FARS2: variants seen among roughly 807,000 people sequenced by gnomAD.
FARS2 encodes the protein phenylalanyl-tRNA synthetase 2, mitochondrial.
Under a neutral mutation model 46.4 loss-of-function variants are expected in FARS2, and 40 were observed. The ratio of observed to expected loss-of-function variants is 0.86; its 90% CI spans 0.67 to 1.12. The LOEUF (loss-of-function observed/expected upper bound fraction) is 1.12, where lower values mean the gene tolerates loss of function less well. FARS2 is among the 50% of genes most tolerant of loss of function. FARS2 has a pLI of 0.00. For synonymous variants in FARS2, 234 were observed against 214.9 expected (o/e 1.09, Z -0.78); for missense variants, 513 against 567.9 (o/e 0.90, Z 0.98).
intron 6 of FARS2, among the ~76,000 whole-genome samples, chr6:5,636,260 G>T (rs1041420393): frequency 6.6e-6 from 1 of 152,222 alleles, no homozygotes; most frequent in African/African-American, 2.4e-5. Context: ...CTATGTGATA[G>T]CAGGGTTGAG....
intron 6 of FARS2, among the ~76,000 whole-genome samples, chr6:5,660,042 G>T (rs974223983): frequency 2.0e-5 from 3 of 152,168 alleles, no homozygotes; most frequent in African/African-American, 7.2e-5. Context: ...CTTAGAGGAG[G>T]TGGGCCTAGC....
chr6:5,355,382 T>G (rs1757850260), intron 1 of FARS2, among the ~76,000 whole-genome samples: 1 of 150,002 alleles, frequency 6.7e-6, no homozygotes, highest in African/African-American at 2.4e-5. Context: ...TTGTTTTTTT[T>G]TTTTTTTTGA....
At chr6:5,579,516 C>T (rs1773202989) in intron 5 of FARS2, among the ~76,000 whole-genome samples, 1 of 152,134 alleles carries the variant, frequency 6.6e-6, no homozygotes, top group Non-Finnish European at 1.5e-5. Flanking sequence ...TCAGGTGATC[C>T]ACCTGCCTCA....
At chr6:5,573,966 C>CT (rs892667727) in intron 5 of FARS2, among the ~76,000 whole-genome samples, 5 of 152,060 alleles carry the variant, frequency 3.3e-5, no homozygotes, top group African/African-American at 1.2e-4. Context: ...ATTTGCTCAC[C>CT]AAAATAATGG....
At chr6:5,596,425 G>A (rs1774201277) in intron 5 of FARS2, among the ~76,000 whole-genome samples, 1 of 152,202 alleles carries the variant, frequency 6.6e-6, no homozygotes, top group Non-Finnish European at 1.5e-5. Flanking sequence ...TTTGTCATAT[G>A]TAGGTACCAG....
chr6:5,273,846 G>A (rs1399308299), intron 1 of FARS2, among the ~76,000 whole-genome samples: 1 of 152,056 alleles, frequency 6.6e-6, no homozygotes, highest in Non-Finnish European at 1.5e-5. Context: ...TTTGATTTTT[G>A]TATATGGTGA....
intron 6 of FARS2, among the ~76,000 whole-genome samples, chr6:5,640,480 A>G (rs1206569127): frequency 6.6e-6 from 1 of 152,160 alleles, no homozygotes; most frequent in African/African-American, 2.4e-5. Context: ...CTAGGTCCCT[A>G]TAACAGACTG....
intron 1 of FARS2, among the ~76,000 whole-genome samples, chr6:5,360,922 A>G (rs562955110): frequency 1.3e-5 from 2 of 152,350 alleles, no homozygotes; most frequent in East Asian, 3.9e-4. Context: ...GAGAATGCTT[A>G]TATTACCTGA....
At chr6:5,462,918 G>T (rs540439092) in intron 4 of FARS2, among the ~76,000 whole-genome samples, 1 of 152,328 alleles carries the variant, frequency 6.6e-6, no homozygotes, top group Admixed American at 6.5e-5. Flanking sequence ...ATTGAGTTAG[G>T]ATGGAATTTA....
chr6:5,274,756 G>C (rs1766212263), intron 1 of FARS2, among the ~76,000 whole-genome samples: 1 of 152,028 alleles, frequency 6.6e-6, no homozygotes, highest in South Asian at 2.1e-4. Context: ...TGTCACCCCA[G>C]CTGGAGTGCA....
chr6:5,289,548 T>C (rs1767360560), intron 1 of FARS2, among the ~76,000 whole-genome samples: 1 of 152,190 alleles, frequency 6.6e-6, no homozygotes, highest in African/African-American at 2.4e-5. Flanking sequence ...CCACGACCAG[T>C]CTGATTGGTT....
At chr6:5,558,434 C>T (rs1020987704) in intron 5 of FARS2, among the ~76,000 whole-genome samples, 1 of 152,152 alleles carries the variant, frequency 6.6e-6, no homozygotes, top group Non-Finnish European at 1.5e-5. Context: ...GGAAGCAGTA[C>T]TTCATATAGT....
At chr6:5,346,885 C>T (rs185433237) in intron 1 of FARS2, among the ~76,000 whole-genome samples, 17 of 150,764 alleles carry the variant, frequency 1.1e-4, no homozygotes, top group African/African-American at 2.4e-4. Context: ...GTGAACTTCA[C>T]GGACCTTAGT....
chr6:5,431,273 C>T (rs970107747), intron 4 of FARS2, 101 bp downstream of exon 4: 19 of 1,172,748 alleles, frequency 1.6e-5, no homozygotes, highest in Middle Eastern at 2.0e-4. Context: ...TACTTCTATG[C>T]GGGCAGCGGC....
At chr6:5,256,231 T>C (rs1468013090), upstream of FARS2, among the ~76,000 whole-genome samples, 1 of 152,058 alleles carries the variant, frequency 6.6e-6, no homozygotes, top group East Asian at 1.9e-4. Flanking sequence ...GGCTCATGCC[T>C]GTAATCCCAG....
In FARS2 at chr6:5,717,908, C is replaced by CCATATATATA. The variant is rs1554128848; in HGVS notation, c.1218-53383_1218-53382insCATATATATA. Among the ~76,000 whole-genome samples the CCATATATATA allele has an allele frequency of 1.2e-4, 9 of 77,718 alleles. 2 individuals are homozygous for CCATATATATA. Among genetic ancestry groups the CCATATATATA allele is most frequent in the African/African-American group, 3.3e-4 (8 of 24,036 alleles). 51.0% of individuals were successfully genotyped at this position (77,718 alleles called of 152,430 possible). On this transcript the variant is annotated intron_variant, in intron 6 of 6. Transcript: ENST00000274680. ...AGGCATGAAAATGAGAAGGTATCAG[C>CCATATATATA]TATATATATATATATATATATATAT...
At chr6:5,719,677 A>G (rs1375649443) in intron 6 of FARS2, among the ~76,000 whole-genome samples, 1 of 152,196 alleles carries the variant, frequency 6.6e-6, no homozygotes, top group Non-Finnish European at 1.5e-5. Context: ...GGATGCGGCC[A>G]GCCAGGAGCT....
At chr6:5,637,178 G>A (rs1030147464) in intron 6 of FARS2, among the ~76,000 whole-genome samples, 11 of 152,242 alleles carry the variant, frequency 7.2e-5, no homozygotes, top group South Asian at 2.1e-4. Context: ...GACAGGGAGC[G>A]TTCCAATTGC....
At chr6:5,271,951 C>T (rs28377947) in intron 1 of FARS2, among the ~76,000 whole-genome samples, 4,288 of 152,240 alleles carry the variant, frequency 0.028, 202 homozygotes, top group African/African-American at 0.097. Flanking sequence ...GACCCCCTGC[C>T]GCCACCACCC....
Sources: gnomAD v4.1 joint callset for allele counts (sites outside exome capture counted in the v4.1 genomes callset) on GRCh38, gnomAD v4.1.1 for gene constraint, MANE v1.5 for transcripts, NCBI Gene and HGNC (gene_info 2026-07-23, HGNC 2026-07-21) for gene names.